NCAM2: variants seen among roughly 807,000 people sequenced by gnomAD.
The protein encoded by NCAM2 is neural cell adhesion molecule 2.
NCAM2 carries 30 observed loss-of-function variants against 98.1 expected under a neutral mutation model. That is an observed-to-expected ratio of 0.31 (90% confidence interval 0.23 to 0.41). NCAM2 has a LOEUF of 0.41. Among genes scored for constraint, NCAM2 ranks in the 10% least tolerant of loss-of-function variants. The probability of loss-of-function intolerance (pLI) is 1.00; values close to 1 mark genes in which losing one functional copy is unlikely to be tolerated. For missense variants in NCAM2, 867 were observed against 1,005.8 expected (o/e 0.86, Z 1.87); for synonymous variants, 368 against 342.4 (o/e 1.07, Z -0.83).
intron 11 of NCAM2, among the ~76,000 whole-genome samples, chr21:21,421,294 T>C (rs1318796930): frequency 6.6e-6 from 1 of 152,070 alleles, no homozygotes; most frequent in African/African-American, 2.4e-5. Context: ...TTCCTATCCT[T>C]CTAGTGACTA....
chr21:21,410,122 G>A, intron 9 of NCAM2, 152 bp from the exon 10 acceptor site: 1 of 417,980 alleles, frequency 2.4e-6, no homozygotes, highest in East Asian at 4.7e-5. Flanking sequence ...GACAGGGCGA[G>A]ACTCCGTCTC....
At chr21:21,510,323 C>T (rs552192317) in intron 16 of NCAM2, among the ~76,000 whole-genome samples, 3 of 152,208 alleles carry the variant, frequency 2.0e-5, no homozygotes, top group South Asian at 4.1e-4. Flanking sequence ...GAAGTTCTCT[C>T]ATTTCCTTAT....
intron 1 of NCAM2, among the ~76,000 whole-genome samples, chr21:21,115,874 C>G (rs1456314393): frequency 6.6e-6 from 1 of 151,988 alleles, no homozygotes; most frequent in Non-Finnish European, 1.5e-5. Context: ...AATTGGATCC[C>G]AAATACTGAA....
At chr21:21,493,974 A>G (rs1171573272) in intron 15 of NCAM2, among the ~76,000 whole-genome samples, 3 of 151,968 alleles carry the variant, frequency 2.0e-5, no homozygotes, top group Non-Finnish European at 4.4e-5. Context: ...TGTAGTTTTA[A>G]TAATGTAGAA....
intron 1 of NCAM2, among the ~76,000 whole-genome samples, chr21:20,999,216 T>C (rs535516544): frequency 1.8e-4 from 28 of 152,166 alleles, no homozygotes; most frequent in African/African-American, 6.3e-4. Flanking sequence ...AAACTAGGGA[T>C]GTGTTGCAGT....
chr21:21,412,896 G>C (rs1162054914), intron 10 of NCAM2, among the ~76,000 whole-genome samples: 1 of 152,008 alleles, frequency 6.6e-6, no homozygotes, highest in East Asian at 1.9e-4. Flanking sequence ...CTTTTGTTTA[G>C]TAATTATTGT....
intron 12 of NCAM2, among the ~76,000 whole-genome samples, chr21:21,447,840 T>A (rs894579226): frequency 6.6e-6 from 1 of 152,062 alleles, no homozygotes; most frequent in Non-Finnish European, 1.5e-5. Context: ...AAAACCATAA[T>A]GAGATACCAT....
intron 5 of NCAM2, among the ~76,000 whole-genome samples, chr21:21,309,110 A>T (rs550687667): frequency 3.5e-4 from 53 of 152,196 alleles, no homozygotes; most frequent in African/African-American, 1.2e-3. Context: ...ATGCCATCAT[A>T]ATAACTGATT....
At chr21:21,482,813 T>TA (rs781304686) in intron 15 of NCAM2, among the ~76,000 whole-genome samples, 1 of 151,886 alleles carries the variant, frequency 6.6e-6, no homozygotes, top group Admixed American at 6.6e-5. Flanking sequence ...TTTTGAAAGA[T>TA]ATGTATTTTG....
intron 1 of NCAM2, among the ~76,000 whole-genome samples, chr21:21,245,457 G>A (rs778367794): frequency 1.3e-5 from 2 of 152,128 alleles, no homozygotes; most frequent in African/African-American, 2.4e-5. Flanking sequence ...GCTGTCCTTG[G>A]ATGTACATGG....
intron 1 of NCAM2, among the ~76,000 whole-genome samples, chr21:21,148,908 G>T (rs1185527115): frequency 6.6e-6 from 1 of 152,068 alleles, no homozygotes; most frequent in Non-Finnish European, 1.5e-5. Flanking sequence ...TATTTTGCTG[G>T]TAAGGCATGC....
chr21:21,157,455 ATTAGTTGGTAGT>A (rs2146753211), intron 1 of NCAM2, among the ~76,000 whole-genome samples: 1 of 152,312 alleles, frequency 6.6e-6, no homozygotes, highest in South Asian at 2.1e-4. Flanking sequence ...TTGGAAGCCG[ATTAGTTGGTAGT>A]TTTGAAGATA....
intron 8 of NCAM2, among the ~76,000 whole-genome samples, chr21:21,357,065 A>T (rs1286403357): frequency 6.6e-6 from 1 of 152,140 alleles, no homozygotes; most frequent in Non-Finnish European, 1.5e-5. Flanking sequence ...AAGAGGGGAG[A>T]TGAAACTAAA....
At chr21:21,249,038 T>C (rs543987618) in intron 1 of NCAM2, among the ~76,000 whole-genome samples, 1 of 152,218 alleles carries the variant, frequency 6.6e-6, no homozygotes, top group Admixed American at 6.5e-5. Context: ...AAATGCATTT[T>C]TTATCCCTGA....
rs1483196346 is a variant in NCAM2, at chr21:21,147,310, CAATT to C, written c.56-133267_56-133264del. Reference sequence around the variant, plus strand: ...TTACTACAACATGCTAAAAAAAAGACAATTTATTTGTTGAATGTTGAAAGAAGGG... The same window carrying C: ...TTACTACAACATGCTAAAAAAAAGACTATTTGTTGAATGTTGAAAGAAGGG... On this transcript the variant is annotated intron_variant, in intron 1 of 17. Coordinates refer to ENST00000400546, the MANE Select transcript of NCAM2 (RefSeq NM_004540.5). 1.9e-5 allele frequency: 18 copies of C among 965,302 alleles called. No homozygotes were observed. The South Asian group carries it at 7.7e-4, about 41-fold the overall frequency. The allele number at this position is 965,302 out of a possible 1,614,324, so 59.8% of individuals were successfully genotyped here.
intron 1 of NCAM2, among the ~76,000 whole-genome samples, chr21:21,265,150 AC>A (rs2072168119): frequency 8.4e-6 from 1 of 119,194 alleles, no homozygotes; most frequent in Non-Finnish European, 1.6e-5. Flanking sequence ...TAATATATAT[AC>A]ATATATACTT....
chr21:21,248,534 T>C (rs1313623067), intron 1 of NCAM2, among the ~76,000 whole-genome samples: 2 of 151,942 alleles, frequency 1.3e-5, no homozygotes, highest in Non-Finnish European at 2.9e-5. Context: ...CCCAGCACTT[T>C]GGGAGGCCGA....
At chr21:21,433,417 T>G (rs995335485) in intron 12 of NCAM2, among the ~76,000 whole-genome samples, 3 of 152,070 alleles carry the variant, frequency 2.0e-5, no homozygotes, top group African/African-American at 7.2e-5. Context: ...ATTGTGCTAC[T>G]TTAAATTTTG....
intron 1 of NCAM2, among the ~76,000 whole-genome samples, chr21:21,263,563 C>T (rs1384009459): frequency 6.6e-6 from 1 of 152,000 alleles, no homozygotes; most frequent in Non-Finnish European, 1.5e-5. Context: ...CAATCCTAAG[C>T]AAAAACAACA....
Sources: allele counts gnomAD v4.1 joint callset (sites outside exome capture counted in the v4.1 genomes callset), GRCh38; gene constraint gnomAD v4.1.1; transcripts MANE v1.5; gene names NCBI Gene and HGNC (gene_info 2026-07-23, HGNC 2026-07-21).